The following ATAD2B variants were observed in gnomAD, a reference collection of about 807,000 sequenced individuals.
ATAD2B encodes ATPase family AAA domain-containing protein 2B.
Under a neutral mutation model 167.6 loss-of-function variants are expected in ATAD2B, and 40 were observed. That is an observed-to-expected ratio of 0.24 (90% CI 0.19 to 0.31). The LOEUF (loss-of-function observed/expected upper bound fraction) is 0.31, where lower values mean the gene tolerates loss of function less well. ATAD2B is among the 10% of genes least tolerant of loss of function. The pLI, the probability that ATAD2B is intolerant of heterozygous loss-of-function variation, is 1.00. For synonymous variants in ATAD2B, 579 were observed against 596.5 expected (o/e 0.97, Z 0.43); for missense variants, 1,242 against 1,757.2 (o/e 0.71, Z 5.24).
intron 1 of ATAD2B, 70 bp downstream of exon 1, chr2:23,926,485 C>A (rs1704849567): frequency 1.3e-6 from 2 of 1,503,994 alleles, no homozygotes; most frequent in Non-Finnish European, 1.8e-6. Flanking sequence ...ACCCCCAACC[C>A]GGCCAGACAA....
intron 22 of ATAD2B, among the ~76,000 whole-genome samples, chr2:23,776,287 T>C (rs1679120427): frequency 6.6e-6 from 1 of 152,136 alleles, no homozygotes; most frequent in African/African-American, 2.4e-5. Flanking sequence ...TCATTCTAGG[T>C]TTTTGTCCAC....
chr2:23,874,196 A>G (rs2150133841), intron 8 of ATAD2B, among the ~76,000 whole-genome samples: 1 of 152,198 alleles, frequency 6.6e-6, no homozygotes, highest in South Asian at 2.1e-4. Context: ...CAAAAAAAAA[A>G]AGAAAAGAGC....
chr2:23,914,759 G>A (rs1355973132), intron 1 of ATAD2B, among the ~76,000 whole-genome samples: 1 of 151,500 alleles, frequency 6.6e-6, no homozygotes, highest in Non-Finnish European at 1.5e-5. Flanking sequence ...GGAGAATGGC[G>A]TGAACCCCGG....
chr2:23,881,666 T>A (rs1697928218), intron 6 of ATAD2B, among the ~76,000 whole-genome samples: 1 of 150,340 alleles, frequency 6.7e-6, no homozygotes, highest in Non-Finnish European at 1.5e-5. Context: ...CAGCTATAAT[T>A]CATTTTTTAA....
intron 1 of ATAD2B, among the ~76,000 whole-genome samples, chr2:23,919,470 C>A (rs1327551129): frequency 6.6e-6 from 1 of 151,890 alleles, no homozygotes; most frequent in East Asian, 1.9e-4. Context: ...TCACTTGAGC[C>A]CAAGAGGCAA....
the ATAD2B span, among the ~76,000 whole-genome samples, chr2:23,728,803 T>TA: frequency 6.6e-6 from 1 of 152,196 alleles, no homozygotes; most frequent in African/African-American, 2.4e-5. Flanking sequence ...TGAAGGATAA[T>TA]AAGAGACATA....
intron 22 of ATAD2B, among the ~76,000 whole-genome samples, chr2:23,775,315 G>A (rs1220262487): frequency 6.6e-6 from 1 of 151,258 alleles, no homozygotes; most frequent in Non-Finnish European, 1.5e-5. Flanking sequence ...CTAGGTTCAA[G>A]CGATTCTCCT....
At chr2:23,696,003 C>A in the ATAD2B span, 2 of 1,551,540 alleles carry the variant, frequency 1.3e-6, no homozygotes, top group African/African-American at 1.4e-5. This position sits in a 1 kb window ranked among gnomAD's most constrained non-coding sequence, Gnocchi z 5.5. Flanking sequence ...TGGGGATGAC[C>A]CAGCGCTCGC....
intron 18 of ATAD2B, among the ~76,000 whole-genome samples, chr2:23,808,585 A>C (rs1685029535): frequency 6.6e-6 from 1 of 152,136 alleles, no homozygotes. Flanking sequence ...ATTTTAAAAC[A>C]CTAACTTTGA....
At chr2:23,805,635 G>T (rs1004383247) in intron 18 of ATAD2B, among the ~76,000 whole-genome samples, 1 of 151,880 alleles carries the variant, frequency 6.6e-6, no homozygotes, top group Non-Finnish European at 1.5e-5. Flanking sequence ...GGGTCAAAAG[G>T]TATATGTATT....
intron 18 of ATAD2B, among the ~76,000 whole-genome samples, chr2:23,802,131 C>T (rs1683599784): frequency 6.6e-6 from 1 of 151,892 alleles, no homozygotes; most frequent in Admixed American, 6.6e-5. Context: ...TTGTCTCAAT[C>T]ACTTAATAGT....
chr2:23,847,329 C>T (rs1455056617), intron 13 of ATAD2B, among the ~76,000 whole-genome samples: 2 of 151,672 alleles, frequency 1.3e-5, no homozygotes, highest in East Asian at 3.9e-4. Context: ...TATGGTGAAA[C>T]CCTGTCTCTA....
At chr2:23,736,578 A>C in the ATAD2B span, among the ~76,000 whole-genome samples, 97 of 152,318 alleles carry the variant, frequency 6.4e-4, no homozygotes, top group Non-Finnish European at 1.2e-3. Context: ...GAAGATGGCC[A>C]AATAAGAACA....
At chr2:23,926,413 C>T in intron 1 of ATAD2B, 142 bp downstream of exon 1, 2 of 1,401,160 alleles carry the variant, frequency 1.4e-6, no homozygotes, top group Non-Finnish European at 9.3e-7. Context: ...TGGGTGCCAC[C>T]CTCCACCGCG....
chr2:23,922,562 T>G (rs750864079), intron 1 of ATAD2B, among the ~76,000 whole-genome samples: 1 of 151,844 alleles, frequency 6.6e-6, no homozygotes, highest in Non-Finnish European at 1.5e-5. Flanking sequence ...AAACCATATA[T>G]CTGATAAGCA....
At chr2:23,729,449 T>A in the ATAD2B span, among the ~76,000 whole-genome samples, 10 of 152,144 alleles carry the variant, frequency 6.6e-5, no homozygotes, top group Non-Finnish European at 1.0e-4. Context: ...TGTAAGAAAG[T>A]AACCTGAACT....
At chr2:23,829,017 A>C in intron 14 of ATAD2B, 78 bp from the exon 15 acceptor site, 1 of 928,260 alleles carries the variant, frequency 1.1e-6, no homozygotes, top group Non-Finnish European at 1.6e-6. Flanking sequence ...TCCCTCAAAT[A>C]CGTTAGGTGG....
intron 13 of ATAD2B, among the ~76,000 whole-genome samples, chr2:23,849,878 CTTATT>C (rs1558654942): frequency 6.6e-6 from 1 of 152,094 alleles, no homozygotes; most frequent in Non-Finnish European, 1.5e-5. Context: ...AATGCCTTGT[CTTATT>C]TTATATTTAT....
At chr2:23,738,268 T>A in the ATAD2B span, among the ~76,000 whole-genome samples, 2 of 152,212 alleles carry the variant, frequency 1.3e-5, no homozygotes, top group East Asian at 3.9e-4. Context: ...AAAGTTGAAA[T>A]GAAGAAACAA....
Sources: allele counts gnomAD v4.1 joint callset (sites outside exome capture counted in the v4.1 genomes callset), GRCh38; gene constraint gnomAD v4.1.1; non-coding constraint Gnocchi (gnomAD v3.1); transcripts MANE v1.5; gene names NCBI Gene and HGNC (gene_info 2026-07-23, HGNC 2026-07-21).